The following RAB3IP variants were observed in gnomAD, a reference collection of about 807,000 sequenced individuals.
RAB3IP encodes rab-3A-interacting protein.
In RAB3IP, 36 loss-of-function variants were observed where a neutral mutation model predicts 59.1. The observed-to-expected ratio is 0.61, with a 90% confidence interval of 0.47 to 0.80. The LOEUF (loss-of-function observed/expected upper bound fraction) is 0.80. Ranked by LOEUF, RAB3IP falls within the 30% of genes least tolerant of loss-of-function variation. The probability of loss-of-function intolerance (pLI) is 0.00; values close to 1 mark genes in which losing one functional copy is unlikely to be tolerated. For synonymous variants in RAB3IP, 207 were observed against 191.2 expected (o/e 1.08, Z -0.68); for missense variants, 511 against 536.0 (o/e 0.95, Z 0.46).
intron 4 of RAB3IP, among the ~76,000 whole-genome samples, chr12:69,793,797 AAGG>A (rs1877019859): frequency 6.6e-6 from 1 of 152,316 alleles, no homozygotes; most frequent in East Asian, 1.9e-4. Flanking sequence ...AGTACCTCAC[AAGG>A]AGATGACATG....
chr12:69,792,248 T>A (rs556035538), intron 4 of RAB3IP, among the ~76,000 whole-genome samples: 26 of 152,264 alleles, frequency 1.7e-4, no homozygotes, highest in African/African-American at 5.5e-4. Flanking sequence ...CACGACTATA[T>A]CGTATGTTAC....
intron 1 of RAB3IP, among the ~76,000 whole-genome samples, chr12:69,740,458 A>G (rs1379520550): frequency 1.3e-5 from 2 of 152,244 alleles, no homozygotes; most frequent in Admixed American, 6.5e-5. Context: ...TAACTATTAA[A>G]TGAAAAGCCA....
At chr12:69,799,808 T>C (rs576281052) in intron 6 of RAB3IP, among the ~76,000 whole-genome samples, 1 of 152,286 alleles carries the variant, frequency 6.6e-6, no homozygotes, top group African/African-American at 2.4e-5. Context: ...CAGAAAAGAC[T>C]TGTCATCATT....
intron 8 of RAB3IP, among the ~76,000 whole-genome samples, chr12:69,810,579 A>G (rs1434459798): frequency 3.3e-5 from 5 of 152,210 alleles, no homozygotes; most frequent in East Asian, 3.8e-4. Context: ...ATAAAGAGCA[A>G]TACATAACAA....
At chr12:69,768,495 A>G (rs1418012251) in intron 3 of RAB3IP, among the ~76,000 whole-genome samples, 1 of 152,124 alleles carries the variant, frequency 6.6e-6, no homozygotes, top group Non-Finnish European at 1.5e-5. Flanking sequence ...GTGTATGCCC[A>G]GGAAAGGTGG....
rs1031248103 is a variant in RAB3IP at position 69,821,692 on chromosome 12, G to T, written c.*6246G>T. The T allele has an allele frequency of 6.6e-6, 1 of 152,146 alleles. No individual in the cohort carries two copies. Among genetic ancestry groups the T allele is most frequent in the African/African-American group, 2.4e-5 (1 of 41,398 alleles). The allele number at this position is 152,146 out of a possible 1,614,324, so 9.4% of individuals were successfully genotyped here. On this transcript the variant is annotated 3_prime_UTR_variant, in exon 11 of 11. Transcript: ENST00000247833. ...AAATCTAAAATCTGCATTTCAAGCT[G>T]CTCTTTTTTAAAATGTGCCGTTTCG...
chr12:69,784,652 A>G (rs546193703), intron 3 of RAB3IP, 68 bp from the exon 4 acceptor site: 3 of 806,226 alleles, frequency 3.7e-6, no homozygotes, highest in African/African-American at 1.8e-5. Flanking sequence ...ATTAGTAAAG[A>G]TTATATAGTC....
chr12:69,793,417 G>A (rs1434835466), intron 4 of RAB3IP, among the ~76,000 whole-genome samples: 1 of 152,258 alleles, frequency 6.6e-6, no homozygotes, highest in South Asian at 2.1e-4. Flanking sequence ...GACAGATCTA[G>A]TGAGGGTGCC....
chr12:69,755,509 C>T lies in RAB3IP; in HGVS notation c.101C>T (p.Thr34Ile), dbSNP rs781124071. Residue 34 changes from threonine (T) to isoleucine (I), a missense_variant, in exon 2 of 11, where the codon ACT (threonine) becomes ATT (isoleucine). Coordinates refer to ENST00000247833, the MANE Select transcript of RAB3IP (RefSeq NM_022456.5). ...GVYESGTQEQ[T>I]TSPSVIYRPH... Reference sequence around the variant, plus strand: ...TATGAATCAGGAACTCAAGAGCAGACTACCTCACCAAGTGTCATCTACCGG... The same window carrying T: ...TATGAATCAGGAACTCAAGAGCAGATTACCTCACCAAGTGTCATCTACCGG... 1.9e-6 allele frequency: 3 copies of T among 1,614,116 alleles called. No homozygotes were observed. Among genetic ancestry groups the T allele is most frequent in the Non-Finnish European group, 2.5e-6 (3 of 1,180,016 alleles).
intron 3 of RAB3IP, among the ~76,000 whole-genome samples, chr12:69,783,051 T>C (rs1253321604): frequency 6.6e-6 from 1 of 152,222 alleles, no homozygotes; most frequent in African/African-American, 2.4e-5. Context: ...CTGATTTTCT[T>C]TCCCTTGTAG....
At chr12:69,806,268 T>C (rs1279015614) in intron 8 of RAB3IP, among the ~76,000 whole-genome samples, 1 of 152,234 alleles carries the variant, frequency 6.6e-6, no homozygotes, top group Non-Finnish European at 1.5e-5. Flanking sequence ...TTCTAGATTT[T>C]CTAGTTTATT....
chr12:69,784,324 A>G (rs1319479399), intron 3 of RAB3IP, among the ~76,000 whole-genome samples: 3 of 151,896 alleles, frequency 2.0e-5, no homozygotes, highest in Non-Finnish European at 2.9e-5. Context: ...TAAACATAAA[A>G]AAAGTGTATT....
intron 1 of RAB3IP, chr12:69,740,002 T>A: frequency 1.3e-6 from 1 of 782,094 alleles, no homozygotes; most frequent in South Asian, 1.6e-5. Flanking sequence ...ACTCCTTCCG[T>A]TCAGTGTCGG....
chr12:69,745,505 A>G (rs1868301319), intron 1 of RAB3IP, among the ~76,000 whole-genome samples: 1 of 152,170 alleles, frequency 6.6e-6, no homozygotes, highest in South Asian at 2.1e-4. Context: ...AGAGGAGGAA[A>G]TGATAACAAA....
At position 69,739,762 on chromosome 12, in the gene RAB3IP, G is replaced by A. The variant is rs1887098417; in HGVS notation, c.-26+731G>A. 5 of 1,521,246 alleles carry A rather than the reference G, an allele frequency of 3.3e-6. No individual in the cohort carries two copies. In the South Asian group the frequency reaches 3.4e-5, roughly 10 times the overall value. 94.2% of individuals were successfully genotyped at this position (1,521,246 alleles called of 1,614,324 possible). A position where few individuals can be genotyped will look rare whatever the true frequency, so the allele number is the denominator to read the frequency against. Reference sequence around the variant, plus strand: ...CCTCCCAGCGTTGACAACTCGCCCCGACCGCCCAGGAAGCGCGAGCTTACT... The same window carrying A: ...CCTCCCAGCGTTGACAACTCGCCCCAACCGCCCAGGAAGCGCGAGCTTACT... On this transcript the variant is annotated intron_variant, in intron 1 of 10. Coordinates refer to ENST00000247833, the MANE Select transcript of RAB3IP (RefSeq NM_022456.5).
intron 6 of RAB3IP, among the ~76,000 whole-genome samples, chr12:69,799,171 TAGGAAGGCTTGGCTAC>T (rs1770084796): frequency 6.6e-6 from 1 of 152,222 alleles, no homozygotes; most frequent in African/African-American, 2.4e-5. Context: ...AGGAAGTCTG[TAGGAAGGCTTGGCTAC>T]ACTCAGCTCT....
At chr12:69,785,898 A>G (rs910701732) in intron 4 of RAB3IP, among the ~76,000 whole-genome samples, 3 of 152,220 alleles carry the variant, frequency 2.0e-5, no homozygotes, top group African/African-American at 7.2e-5. Context: ...TAGTACTTCC[A>G]TGAGTAAGAA....
Position 69,815,956 on chromosome 12 carries a change from C to A in RAB3IP, c.*510C>A, listed in dbSNP as rs986953726. The A allele has an allele frequency of 6.5e-6, 1 of 152,688 alleles. No individual in the cohort carries two copies. Among genetic ancestry groups the A allele is most frequent in the Non-Finnish European group, 1.5e-5 (1 of 68,022 alleles). The allele number at this position is 152,688 out of a possible 1,614,324, so 9.5% of individuals were successfully genotyped here. A position where few individuals can be genotyped will look rare whatever the true frequency, so the allele number is the denominator to read the frequency against. On this transcript the variant is annotated 3_prime_UTR_variant, in exon 11 of 11. Transcript: ENST00000247833. Reference sequence around the variant, plus strand: ...TTTATTTGAAGAAATACTTCTGCTGCTACAAAGTTTGAAAGTTACTATTTT... The same window carrying A: ...TTTATTTGAAGAAATACTTCTGCTGATACAAAGTTTGAAAGTTACTATTTT...
In RAB3IP at chr12:69,816,344, G is replaced by A. The variant is rs1881138366; in HGVS notation, c.*898G>A. The A allele has an allele frequency of 6.6e-6, 1 of 152,190 alleles. No individual in the cohort carries two copies. Among genetic ancestry groups the A allele is most frequent in the African/African-American group, 2.4e-5 (1 of 41,458 alleles). The allele number at this position is 152,190 out of a possible 1,614,324, so 9.4% of individuals were successfully genotyped here. A position where few individuals can be genotyped will look rare whatever the true frequency, so the allele number is the denominator to read the frequency against. ...TAAGTATAGAAAAGCAAAAAGAAAA[G>A]AGAAACTGCTTTAGTTTCTGTTTAG... On this transcript the variant is annotated 3_prime_UTR_variant, in exon 11 of 11. Coordinates refer to ENST00000247833, the MANE Select transcript of RAB3IP (RefSeq NM_022456.5).
Sources: allele counts gnomAD v4.1 joint callset (sites outside exome capture counted in the v4.1 genomes callset), GRCh38; gene constraint gnomAD v4.1.1; transcripts MANE v1.5; gene names NCBI Gene and HGNC (gene_info 2026-07-23, HGNC 2026-07-21).